The following FAM72A variants were observed in gnomAD, a reference collection of about 807,000 sequenced individuals.
FAM72A encodes the protein protein FAM72A.
FAM72A carries 1 observed loss-of-function variant against 11.3 expected under a neutral mutation model. The observed-to-expected ratio is 0.09, with a 90% CI of 0.03 to 0.42. The LOEUF (loss-of-function observed/expected upper bound fraction) is 0.42, where lower values mean the gene tolerates loss of function less well. FAM72A is among the 10% of genes least tolerant of loss of function. The pLI, the probability that FAM72A is intolerant of heterozygous loss-of-function variation, is 0.98. For synonymous variants in FAM72A, 5 were observed against 46.9 expected (o/e 0.11, Z 3.65); for missense variants, 15 against 135.5 (o/e 0.11, Z 4.41).
chr1:206,191,724 A>AT (rs1190560887), intron 3 of FAM72A, among the ~76,000 whole-genome samples: 3,503 of 103,418 alleles, frequency 0.034, 176 homozygotes, highest in Middle Eastern at 0.066. Context: ...CTAAAATATT[A>AT]TTTTTTTTTT....
rs549895515 is a variant in FAM72A at position 206,200,276 on chromosome 1, G to A, written c.153-392C>T. 1.7e-3 allele frequency among the ~76,000 whole-genome samples: 262 copies of A among 150,862 alleles called. 1 individual carries two copies. The highest frequency in any genetic ancestry group is 6.1e-3 in the African/African-American group (247 of 40,730). ...CTGCTGGATCAGATAGTAATTCTAC[G>A]CTTGATTTAGCACAAATTTTGTCAA... is the stretch of plus-strand genomic sequence containing the variant. On this transcript the variant is annotated intron_variant, in intron 1 of 3. Coordinates refer to ENST00000367128, the MANE Select transcript of FAM72A (RefSeq NM_001123168.3).
At chr1:206,198,262 G>T (rs1393210917) in intron 2 of FAM72A, among the ~76,000 whole-genome samples, 59 of 149,912 alleles carry the variant, frequency 3.9e-4, no homozygotes, top group African/African-American at 1.4e-3. Context: ...TACTCAGGAG[G>T]CTGAGGCAGG....
chr1:206,203,804 C>A (rs567032003), upstream of FAM72A: 94 of 1,532,646 alleles, frequency 6.1e-5, no homozygotes, highest in African/African-American at 8.5e-4. Flanking sequence ...GACCGCCCCC[C>A]CTCCACCCTC....
chr1:206,196,516 G>C (rs1665064333), intron 2 of FAM72A, among the ~76,000 whole-genome samples: 2 of 100,120 alleles, frequency 2.0e-5, no homozygotes, highest in Admixed American at 1.1e-4. Context: ...CAGTTCTGTG[G>C]GTAAAGGTTT....
chr1:206,198,484 T>C (rs1486803853), intron 2 of FAM72A, among the ~76,000 whole-genome samples: 3 of 145,452 alleles, frequency 2.1e-5, no homozygotes, highest in African/African-American at 5.0e-5. Flanking sequence ...AATACAAGTA[T>C]AGCTTAAATA....
rs1162247364 is a variant in FAM72A at position 206,186,758 on chromosome 1, A to G, written c.*521T>C. 1 of 95,702 alleles carries G rather than the reference A, an allele frequency of 1.0e-5. No individual in the cohort carries two copies. Among genetic ancestry groups the G allele is most frequent in the Non-Finnish European group, 2.1e-5 (1 of 47,364 alleles). 5.9% of individuals were successfully genotyped at this position (95,702 alleles called of 1,614,324 possible). ...TATATTTTAAATTTTAATTTATTCT[A>G]TTTCCTGATTCACAAACTCTTGCTC... On this transcript the variant is annotated 3_prime_UTR_variant, in exon 4 of 4. Coordinates refer to ENST00000367128, the MANE Select transcript of FAM72A (RefSeq NM_001123168.3).
intron 2 of FAM72A, among the ~76,000 whole-genome samples, chr1:206,196,808 A>G (rs1665085275): frequency 6.6e-6 from 1 of 151,684 alleles, no homozygotes; most frequent in African/African-American, 2.4e-5. Context: ...TTTTTTTTTA[A>G]CTAGCTAGTC....
chr1:206,193,216 T>C (rs1281118906), intron 3 of FAM72A, among the ~76,000 whole-genome samples: 4 of 148,370 alleles, frequency 2.7e-5, no homozygotes, highest in African/African-American at 5.0e-5. Flanking sequence ...CCCGGCCTCT[T>C]ATTCCTTTTT....
chr1:206,196,082 C>T (rs200707814), intron 2 of FAM72A, among the ~76,000 whole-genome samples: 53,277 of 145,002 alleles, frequency 0.37, 10,147 homozygotes, highest in East Asian at 0.66. Flanking sequence ...AATATTCTCA[C>T]ATTTCTTTGC....
chr1:206,198,496 A>C (rs1255488892), intron 2 of FAM72A, among the ~76,000 whole-genome samples: 1 of 146,004 alleles, frequency 6.8e-6, no homozygotes, highest in East Asian at 2.0e-4. Flanking sequence ...GCTTAAATAA[A>C]GGAATGAAAT....
chr1:206,188,299 CAAAA>C (rs1458057658), intron 3 of FAM72A, among the ~76,000 whole-genome samples: 1 of 107,230 alleles, frequency 9.3e-6, no homozygotes, highest in African/African-American at 3.9e-5. Flanking sequence ...CTATAATAAA[CAAAA>C]GAATAATCAA....
Position 206,191,498 on chromosome 1 carries a change from G to A in FAM72A, c.356-4125C>T, listed in dbSNP as rs537305586. Among the ~76,000 whole-genome samples the A allele has an allele frequency of 3.1e-4, 47 of 150,176 alleles. 1 individual carries two copies. The East Asian group carries it at 5.0e-3, about 16-fold the overall frequency. On this transcript the variant is annotated intron_variant, in intron 3 of 3. Coordinates refer to ENST00000367128, the MANE Select transcript of FAM72A (RefSeq NM_001123168.3). ...TAGCTGGGCGTATGCCTGTAATCTC[G>A]CTACTCGGGAGGCTGAGGCATGAGA...
At chr1:206,191,849 C>T (rs1553297654) in intron 3 of FAM72A, among the ~76,000 whole-genome samples, 1 of 150,634 alleles carries the variant, frequency 6.6e-6, no homozygotes, top group Admixed American at 6.6e-5. Context: ...ATCATATTGG[C>T]CAGGCTGGTC....
At chr1:206,187,554 C>G (rs1403775093) in intron 3 of FAM72A, among the ~76,000 whole-genome samples, 181 bp from the exon 4 acceptor site, 7 of 151,826 alleles carry the variant, frequency 4.6e-5, no homozygotes, top group Admixed American at 2.6e-4. Flanking sequence ...AGGACATAAA[C>G]TTTATTTATT....
chr1:206,187,623 T>G (rs1553297055), intron 3 of FAM72A, among the ~76,000 whole-genome samples: 1 of 152,094 alleles, frequency 6.6e-6, no homozygotes, highest in African/African-American at 2.4e-5. Context: ...AGGATCACGG[T>G]TCACAATCAC....
At chr1:206,196,812 G>A (rs1278842420) in intron 2 of FAM72A, among the ~76,000 whole-genome samples, 4 of 150,760 alleles carry the variant, frequency 2.7e-5, no homozygotes, top group Non-Finnish European at 4.4e-5. Flanking sequence ...TTTTTAACTA[G>A]CTAGTCACAT....
At chr1:206,187,487 A>G in intron 3 of FAM72A, 114 bp from the exon 4 acceptor site, 1 of 747,790 alleles carries the variant, frequency 1.3e-6, no homozygotes, top group African/African-American at 1.8e-5. Context: ...GTTAGCAGTA[A>G]AAAGAGTAGC....
intron 2 of FAM72A, among the ~76,000 whole-genome samples, chr1:206,198,359 G>A (rs1171650990): frequency 7.4e-5 from 11 of 149,264 alleles, no homozygotes; most frequent in South Asian, 2.1e-4. Flanking sequence ...GCAAAACTCC[G>A]TCTTAAAAAA....
chr1:206,193,000 G>A (rs1553297804), intron 3 of FAM72A, among the ~76,000 whole-genome samples: 4 of 149,760 alleles, frequency 2.7e-5, no homozygotes, highest in Admixed American at 1.3e-4. Flanking sequence ...CGCAACCTCC[G>A]CCTCCCGGGT....
Sources: gnomAD v4.1 joint callset for allele counts (sites outside exome capture counted in the v4.1 genomes callset) on GRCh38, gnomAD v4.1.1 for gene constraint, MANE v1.5 for transcripts, NCBI Gene and HGNC (gene_info 2026-07-23, HGNC 2026-07-21) for gene names.